Variants in POU3F3 observed in about 807,000 individuals in gnomAD.
The protein encoded by POU3F3 is POU domain, class 3, transcription factor 3.
Under a neutral mutation model 8.6 loss-of-function variants are expected in POU3F3, and 1 was observed. The observed-to-expected ratio is 0.12, with a 90% CI of 0.04 to 0.55. The LOEUF (loss-of-function observed/expected upper bound fraction) is 0.55. Ranked by LOEUF, POU3F3 falls within the 20% of genes least tolerant of loss-of-function variation. POU3F3 has a pLI of 0.91. For synonymous variants in POU3F3, 418 were observed against 327.4 expected (o/e 1.28, Z -2.99); for missense variants, 577 against 690.7 (o/e 0.84, Z 1.84).
chr2:104,890,037 G>A, the POU3F3 span, among the ~76,000 whole-genome samples: 3 of 152,082 alleles, frequency 2.0e-5, no homozygotes, highest in Admixed American at 6.5e-5. Context: ...TGCAGCTCGC[G>A]ACCTCAAGGT....
At chr2:104,909,995 A>G in the POU3F3 span, among the ~76,000 whole-genome samples, 1 of 152,212 alleles carries the variant, frequency 6.6e-6, no homozygotes, top group African/African-American at 2.4e-5. Flanking sequence ...TGGACATTAC[A>G]TAAACAAGGA....
the POU3F3 span, among the ~76,000 whole-genome samples, chr2:104,863,858 G>A: frequency 6.6e-6 from 1 of 152,260 alleles, no homozygotes; most frequent in African/African-American, 2.4e-5. Context: ...CACTGGCAGG[G>A]CTCATTGTCT....
the POU3F3 span, among the ~76,000 whole-genome samples, chr2:104,878,404 A>G: frequency 1.3e-5 from 2 of 152,224 alleles, no homozygotes; most frequent in Non-Finnish European, 2.9e-5. Context: ...ATATTGTTAT[A>G]GAAATATTGT....
the POU3F3 span, chr2:104,872,127 T>C: frequency 1.4e-5 from 6 of 418,176 alleles, no homozygotes; most frequent in East Asian, 3.5e-4. The surrounding 1 kb of genome is among the most constrained non-coding windows in gnomAD (Gnocchi z 4.6). Flanking sequence ...TCAACCTGGC[T>C]CCCCCTTTCA....
At chr2:104,910,629 C>T in the POU3F3 span, among the ~76,000 whole-genome samples, 1 of 152,112 alleles carries the variant, frequency 6.6e-6, no homozygotes, top group Non-Finnish European at 1.5e-5. Context: ...AGTAAGTACT[C>T]CAAAAATGTT....
At chr2:104,881,121 A>ACTTC in the POU3F3 span, among the ~76,000 whole-genome samples, 1 of 142,064 alleles carries the variant, frequency 7.0e-6, no homozygotes, top group South Asian at 2.3e-4. Context: ...TTTATTTCTT[A>ACTTC]CTTTCTTTCT....
chr2:104,910,296 T>G, the POU3F3 span, among the ~76,000 whole-genome samples: 1 of 152,298 alleles, frequency 6.6e-6, no homozygotes, highest in Admixed American at 6.5e-5. Context: ...TGGGCAACAG[T>G]GATCGTTACA....
the POU3F3 span, among the ~76,000 whole-genome samples, chr2:104,870,277 C>T: frequency 6.6e-6 from 1 of 152,204 alleles, no homozygotes; most frequent in African/African-American, 2.4e-5. Flanking sequence ...TGCCCCACTG[C>T]AGGGCAATTA....
downstream of POU3F3, among the ~76,000 whole-genome samples, chr2:104,861,760 C>A (rs535186613): frequency 1.3e-5 from 2 of 152,300 alleles, no homozygotes; most frequent in South Asian, 4.1e-4. Context: ...TTGAGTGACG[C>A]ATGTGAGAAG....
the POU3F3 span, among the ~76,000 whole-genome samples, chr2:104,890,123 G>A: frequency 6.6e-6 from 1 of 152,090 alleles, no homozygotes; most frequent in South Asian, 2.1e-4. Context: ...AGTAAAAAGG[G>A]CTCCCCAGAG....
the POU3F3 span, among the ~76,000 whole-genome samples, chr2:104,887,261 C>A: frequency 6.6e-6 from 1 of 152,156 alleles, no homozygotes; most frequent in African/African-American, 2.4e-5. Context: ...GTATCTTGTG[C>A]CAACCTTCTA....
the POU3F3 span, among the ~76,000 whole-genome samples, chr2:104,881,497 C>T: frequency 2.6e-5 from 4 of 151,996 alleles, no homozygotes; most frequent in Admixed American, 6.6e-5. Context: ...GTTACACAGA[C>T]GTTCAATGCA....
chr2:104,870,070 T>C, the POU3F3 span: 4 of 152,294 alleles, frequency 2.6e-5, no homozygotes, highest in Non-Finnish European at 5.9e-5. Flanking sequence ...AGGGCCATCA[T>C]ACATAAGCTG....
the POU3F3 span, among the ~76,000 whole-genome samples, chr2:104,912,106 C>A: frequency 6.6e-6 from 1 of 152,104 alleles, no homozygotes; most frequent in African/African-American, 2.4e-5. Flanking sequence ...CCCAGGGTGC[C>A]GTCATGGGAG....
the POU3F3 span, among the ~76,000 whole-genome samples, chr2:104,908,517 AG>A: frequency 2.6e-5 from 4 of 152,204 alleles, no homozygotes; most frequent in Non-Finnish European, 5.9e-5. Flanking sequence ...ACCTTGTCCA[AG>A]GAGAAAGGAG....
At chr2:104,913,965 G>GA in the POU3F3 span, among the ~76,000 whole-genome samples, 1 of 152,164 alleles carries the variant, frequency 6.6e-6, no homozygotes, top group Non-Finnish European at 1.5e-5. Context: ...TTGGATCTGG[G>GA]AAACCCCTGG....
chr2:104,857,374 C>T lies in POU3F3; in HGVS notation c.*361C>T, dbSNP rs1235079207. ...GAAAAAGGGGGCGATCATGAGATCT[C>T]GTTCATACTGTGGTGGTGTTTCGTT... is the stretch of plus-strand genomic sequence containing the variant. On this transcript the variant is annotated 3_prime_UTR_variant, in exon 1 of 1. Coordinates refer to ENST00000361360, the MANE Select transcript of POU3F3 (RefSeq NM_006236.3). The T allele has an allele frequency of 6.5e-6, 1 of 154,078 alleles. No homozygotes were observed. The highest frequency in any genetic ancestry group is 2.4e-5 in the African/African-American group (1 of 41,420). 9.5% of individuals were successfully genotyped at this position (154,078 alleles called of 1,614,324 possible). A position where few individuals can be genotyped will look rare whatever the true frequency, so the allele number is the denominator to read the frequency against.
At chr2:104,911,354 G>T in the POU3F3 span, among the ~76,000 whole-genome samples, 1 of 150,402 alleles carries the variant, frequency 6.6e-6, no homozygotes, top group Non-Finnish European at 1.5e-5. Flanking sequence ...GGCAGAGGTT[G>T]CAGTGAGCTG....
the POU3F3 span, among the ~76,000 whole-genome samples, chr2:104,909,880 T>A: frequency 2.0e-5 from 3 of 152,232 alleles, no homozygotes; most frequent in African/African-American, 7.2e-5. Flanking sequence ...CTTCTTCATA[T>A]ATAATTCTTA....
Sources: allele counts gnomAD v4.1 joint callset (sites outside exome capture counted in the v4.1 genomes callset), GRCh38; gene constraint gnomAD v4.1.1; non-coding constraint Gnocchi (gnomAD v3.1); transcripts MANE v1.5; gene names NCBI Gene and HGNC (gene_info 2026-07-23, HGNC 2026-07-21).